The following SETD2 variants were observed in gnomAD, a reference collection of about 807,000 sequenced individuals.
SETD2 encodes SET domain containing 2, histone lysine methyltransferase, also known as histone-lysine N-methyltransferase SETD2.
Under a neutral mutation model 242.1 loss-of-function variants are expected in SETD2, and 31 were observed. The observed-to-expected ratio is 0.13, with a 90% CI of 0.10 to 0.17. SETD2 has a LOEUF of 0.17. Among genes scored for constraint, SETD2 ranks in the 10% least tolerant of loss-of-function variants. SETD2 has a pLI of 1.00. For missense variants in SETD2, 2,481 were observed against 3,046.3 expected, an observed-to-expected ratio of 0.81 and a Z score of 4.37; for synonymous variants, 1,006 against 1,066.5, an observed-to-expected ratio of 0.94 and a Z score of 1.11.
Position 47,124,504 on chromosome 3 carries a change from T to C in SETD2, c.132A>G (p.Pro44=), listed in dbSNP as rs1305989558. ...GACTAGAAGCAACACCTTTGAACAT[T>C]GGTCCTTTGATGAAACCTGTTTTCT... ...NVQKTGFIKG[P]MFKGVASSRF... is the part of the protein sequence containing the mutation. Residue 44 remains proline, a synonymous_variant, in exon 3 of 21, where the codon CCA becomes CCG. Coordinates refer to ENST00000409792, the MANE Select transcript of SETD2 (RefSeq NM_014159.7). 3 of 1,549,690 alleles carry C rather than the reference T, an allele frequency of 1.9e-6. No homozygotes were observed. The highest frequency in any genetic ancestry group is 2.6e-6 in the Non-Finnish European group (3 of 1,145,840).
chr3:47,076,116 C>G (rs993793664), intron 12 of SETD2, among the ~76,000 whole-genome samples: 2 of 151,974 alleles, frequency 1.3e-5, no homozygotes, highest in African/African-American at 4.8e-5. Context: ...AGAGCCTATA[C>G]AAAGGGCAAA....
chr3:47,141,067 G>A (rs973892566), intron 1 of SETD2, among the ~76,000 whole-genome samples: 2 of 151,662 alleles, frequency 1.3e-5, no homozygotes, highest in African/African-American at 4.8e-5. Context: ...TCATGATCTT[G>A]GTTCACTGCA....
At chr3:47,047,413 T>C (rs1289396823) in intron 15 of SETD2, among the ~76,000 whole-genome samples, 1 of 152,194 alleles carries the variant, frequency 6.6e-6, no homozygotes, top group Non-Finnish European at 1.5e-5. Flanking sequence ...GACTGAAAAA[T>C]AGCCTTGCTG....
At chr3:47,100,676 A>C (rs958188750) in intron 8 of SETD2, among the ~76,000 whole-genome samples, 4 of 152,080 alleles carry the variant, frequency 2.6e-5, no homozygotes, top group Admixed American at 2.6e-4. Context: ...TTGCTTAGGC[A>C]GTCTTTGCTA....
intron 4 of SETD2, among the ~76,000 whole-genome samples, chr3:47,116,307 A>G (rs1346200334): frequency 1.3e-5 from 2 of 152,230 alleles, no homozygotes; most frequent in Non-Finnish European, 2.9e-5. Context: ...GTGAAAGCTA[A>G]AAAATACCAA....
Position 47,062,300 on chromosome 3 carries a change from A to G in SETD2, c.6156T>C (p.Pro2052=), listed in dbSNP as rs534787801. 5.0e-6 allele frequency: 8 copies of G among 1,612,460 alleles called. No homozygotes were observed. In the African/African-American group the frequency reaches 8.0e-5, roughly 16 times the overall value. The change falls in exon 14 of 21, where the codon CCT becomes CCC. Residue 2052 remains proline, a synonymous_variant. Transcript: ENST00000409792. The stretch of plus-strand genomic sequence containing the variant: ...TTGACCTATTAGGAGTCTTCGGGGC[A>G]GGTGTTTGATCTCTGAAGCCAACAG... The part of the protein sequence containing the change: ...RDAVGFRDQT[P]APKTPNRSRE...
At chr3:47,126,759 G>A in intron 1 of SETD2, 96 bp from the exon 2 acceptor site, 2 of 728,614 alleles carry the variant, frequency 2.7e-6, no homozygotes, top group Non-Finnish European at 2.3e-6. Context: ...ATTAAAACTT[G>A]GGATACTTAC....
In SETD2 at chr3:47,031,518, AAAT is replaced by A. The variant is rs1400583645; in HGVS notation, c.7350+6145_7350+6147del. On this transcript the variant is annotated intron_variant, in intron 18 of 20. Coordinates refer to ENST00000409792, the MANE Select transcript of SETD2 (RefSeq NM_014159.7). Reference sequence around the variant, plus strand: ...ACAAAATGCATCAACAGTAGATCTGAAATACTAGAAATGTTAAAGGAAATTCTT... The same window carrying A: ...ACAAAATGCATCAACAGTAGATCTGAACTAGAAATGTTAAAGGAAATTCTT... Among the ~76,000 whole-genome samples the A allele has an allele frequency of 5.9e-5, 9 of 152,368 alleles. No homozygotes were observed. In the East Asian group the frequency reaches 1.7e-3, roughly 29 times the overall value.
chr3:47,046,379 G>GA (rs914861429), intron 16 of SETD2, 108 bp downstream of exon 16: 2,541 of 874,036 alleles, frequency 2.9e-3, no homozygotes, highest in South Asian at 4.2e-3. Flanking sequence ...AAGAACACGT[G>GA]AAAAAAAAAC....
Position 47,083,876 on chromosome 3 carries a change from T to C in SETD2, c.5904A>G (p.Thr1968=), listed in dbSNP as rs773590674. Residue 1968 remains threonine, a synonymous_variant, in exon 12 of 21, where the codon ACA becomes ACG. Coordinates refer to ENST00000409792, the MANE Select transcript of SETD2 (RefSeq NM_014159.7). ...CTTCATTAATAGGTTCTTCTAGTTT[T>C]GTGCCGTTGCTCTCTTTGGGCTCTA... is the stretch of plus-strand genomic sequence containing the variant. ...AEIEPKESNG[T]KLEEPINEET... 1.2e-6 allele frequency: 2 copies of C among 1,614,202 alleles called. No homozygotes were observed. The highest frequency in any genetic ancestry group is 2.2e-5 in the East Asian group (1 of 44,882).
Position 47,056,091 on chromosome 3 carries a change from G to A in SETD2, c.6963+730C>T, listed in dbSNP as rs980276806. ...AAAAAAAAAAAAGAAAAGAAAACATGATTTTTATTTATTTATTTATTTATT... is the reference window on the plus strand; with the variant it reads ...AAAAAAAAAAAAGAAAAGAAAACATAATTTTTATTTATTTATTTATTTATT... On this transcript the variant is annotated intron_variant, in intron 15 of 20. Coordinates refer to ENST00000409792, the MANE Select transcript of SETD2 (RefSeq NM_014159.7). 8.2e-3 allele frequency among the ~76,000 whole-genome samples: 463 copies of A among 56,596 alleles called. 7 individuals carry two copies. The highest frequency in any genetic ancestry group is 0.019 in the African/African-American group (422 of 22,046). 37.1% of individuals were successfully genotyped at this position (56,596 alleles called of 152,430 possible). A position where few individuals can be genotyped will look rare whatever the true frequency, so the allele number is the denominator to read the frequency against.
chr3:47,137,764 G>A (rs145519298), intron 1 of SETD2, among the ~76,000 whole-genome samples: 202 of 151,926 alleles, frequency 1.3e-3, no homozygotes, highest in African/African-American at 4.7e-3. Flanking sequence ...TTGGCTCACT[G>A]CAACCTCTGC....
At chr3:47,018,264 C>G (rs2038067641) in intron 19 of SETD2, among the ~76,000 whole-genome samples, 1 of 152,162 alleles carries the variant, frequency 6.6e-6, no homozygotes, top group Admixed American at 6.5e-5. Flanking sequence ...AAAACCTAAG[C>G]AGAATCCTTT....
intron 3 of SETD2, among the ~76,000 whole-genome samples, chr3:47,119,210 G>T (rs900251532): frequency 6.6e-6 from 1 of 152,136 alleles, no homozygotes; most frequent in Admixed American, 6.6e-5. Flanking sequence ...TCAGGAAAAT[G>T]AGAAAATTAT....
intron 18 of SETD2, among the ~76,000 whole-genome samples, chr3:47,031,269 G>A (rs1372871385): frequency 2.0e-5 from 3 of 152,316 alleles, no homozygotes; most frequent in South Asian, 2.1e-4. Flanking sequence ...TGGTAATAAT[G>A]TGTCATAGTA....
At chr3:47,098,958 T>TAC (rs1352388887) in intron 8 of SETD2, among the ~76,000 whole-genome samples, 2 of 152,062 alleles carry the variant, frequency 1.3e-5, no homozygotes, top group African/African-American at 4.8e-5. Flanking sequence ...GAGAGGACAA[T>TAC]ACAAGCACAG....
In SETD2 at chr3:47,082,641, T is replaced by C. The variant is rs575485774; in HGVS notation, c.6060+1079A>G. ...AGACATAATAAGGCTGACTTTATAC[T>C]GAATTGTAAGTGATGAAAGTAACAT... On this transcript the variant is annotated intron_variant, in intron 12 of 20. Transcript: ENST00000409792. 2.0e-5 allele frequency among the ~76,000 whole-genome samples: 3 copies of C among 152,340 alleles called. 1 individual carries two copies. The highest frequency in any genetic ancestry group is 1.5e-5 in the Non-Finnish European group (1 of 68,032).
chr3:47,067,000 T>A, intron 13 of SETD2, 70 bp downstream of exon 13: 3 of 1,124,310 alleles, frequency 2.7e-6, no homozygotes, highest in Non-Finnish European at 4.0e-6. Flanking sequence ...TAAGTTCTTA[T>A]CAGTTACCTC....
chr3:47,090,111 C>T (rs1045296794), intron 9 of SETD2, among the ~76,000 whole-genome samples: 3 of 151,802 alleles, frequency 2.0e-5, no homozygotes, highest in African/African-American at 4.8e-5. Context: ...AGCCGGGCAT[C>T]GTGGCGGGAG....
Sources: allele counts gnomAD v4.1 joint callset (sites outside exome capture counted in the v4.1 genomes callset), GRCh38; gene constraint gnomAD v4.1.1; transcripts MANE v1.5; gene names NCBI Gene and HGNC (gene_info 2026-07-23, HGNC 2026-07-21).